The following COL14A1 variants were observed in gnomAD, a reference collection of about 807,000 sequenced individuals.
COL14A1 encodes collagen alpha-1(XIV) chain.
Under a neutral mutation model 230.3 loss-of-function variants are expected in COL14A1, and 136 were observed. The ratio of observed to expected loss-of-function variants is 0.59; its 90% confidence interval spans 0.51 to 0.68. COL14A1 has a LOEUF of 0.68. Ranked by LOEUF, COL14A1 falls within the 30% of genes least tolerant of loss-of-function variation. The pLI is 0.00. For missense variants in COL14A1, 1,976 were observed against 2,215.8 expected, an observed-to-expected ratio of 0.89 and a Z score of 2.17; for synonymous variants, 792 against 784.1, an observed-to-expected ratio of 1.01 and a Z score of -0.17.
At chr8:120,259,571 G>T (rs767441604) in intron 23 of COL14A1, among the ~76,000 whole-genome samples, 76 of 152,272 alleles carry the variant, frequency 5.0e-4, no homozygotes, top group South Asian at 3.1e-3. Context: ...CTCTTTGTTA[G>T]TATTGGGAAC....
At chr8:120,324,301 G>T (rs116607083) in intron 40 of COL14A1, among the ~76,000 whole-genome samples, 2,361 of 152,160 alleles carry the variant, frequency 0.016, 57 homozygotes, top group African/African-American at 0.055. Flanking sequence ...AGATGTATAT[G>T]TTTATCTGTG....
intron 19 of COL14A1, among the ~76,000 whole-genome samples, chr8:120,243,380 G>A (rs766771722): frequency 8.5e-5 from 13 of 152,174 alleles, no homozygotes; most frequent in Non-Finnish European, 1.8e-4. Context: ...TGGCTTTGAT[G>A]TGTGGTTCTG....
At chr8:120,305,120 A>G (rs6469907) in intron 36 of COL14A1, among the ~76,000 whole-genome samples, 106,542 of 151,368 alleles carry the variant, frequency 0.7, 39,123 homozygotes, top group African/African-American at 0.93. Flanking sequence ...CTGGGATTAC[A>G]GGCATGTGCC....
At position 120,285,971 on chromosome 8, in the gene COL14A1, G is replaced by T. The variant is rs1487628505; in HGVS notation, c.4077+1G>T. On this transcript the variant is annotated splice_donor_variant, in intron 33 of 47. Transcript: ENST00000297848. LOFTEE classifies it high-confidence loss of function. ...AATTTTTTATGGAAGCTTTCACAAG[G>T]TTAGTAATGCTTTGTATGCATATAT... 2.7e-6 allele frequency: 4 copies of T among 1,504,146 alleles called. No homozygotes were observed. The highest frequency in any genetic ancestry group is 2.8e-6 in the Non-Finnish European group (3 of 1,081,156). 93.2% of individuals were successfully genotyped at this position (1,504,146 alleles called of 1,614,324 possible).
chr8:120,224,278 C>T lies in COL14A1; in HGVS notation c.1738-810C>T, dbSNP rs147169231. ...CCAACCTCAAGTGATCTACCTGCCTCGGCCTCCCAAAGTGCTGGGATTGCA... is the reference window on the plus strand; with the variant it reads ...CCAACCTCAAGTGATCTACCTGCCTTGGCCTCCCAAAGTGCTGGGATTGCA... On this transcript the variant is annotated intron_variant, in intron 14 of 47. Coordinates refer to ENST00000297848, the MANE Select transcript of COL14A1 (RefSeq NM_021110.4). Among the ~76,000 whole-genome samples, 587 of 152,048 alleles carry T rather than the reference C, an allele frequency of 3.9e-3. 5 individuals are homozygous for T. The highest frequency in any genetic ancestry group is 0.012 in the African/African-American group (517 of 41,484).
chr8:120,356,408 A>C (rs1033613503), intron 45 of COL14A1, among the ~76,000 whole-genome samples: 2 of 152,228 alleles, frequency 1.3e-5, no homozygotes, highest in Non-Finnish European at 2.9e-5. Context: ...TTCGCCACTT[A>C]ACTAGCTATG....
chr8:120,256,536 G>A (rs909085042), intron 23 of COL14A1, among the ~76,000 whole-genome samples: 5 of 152,166 alleles, frequency 3.3e-5, no homozygotes, highest in African/African-American at 1.2e-4. Flanking sequence ...TCTCTATGAT[G>A]TAAGGATCCT....
chr8:120,157,466 G>C (rs1815517559), intron 2 of COL14A1, among the ~76,000 whole-genome samples: 1 of 152,148 alleles, frequency 6.6e-6, no homozygotes, highest in Admixed American at 6.5e-5. Flanking sequence ...AAGCTCACAT[G>C]TTTCAAGGAG....
At chr8:120,138,129 TATATACCG>T (rs1355354216) in intron 1 of COL14A1, among the ~76,000 whole-genome samples, 2 of 152,094 alleles carry the variant, frequency 1.3e-5, no homozygotes, top group East Asian at 3.8e-4. Flanking sequence ...TCAATATATC[TATATACCG>T]ATATATATCT....
At chr8:120,229,383 T>C (rs566192966) in intron 18 of COL14A1, among the ~76,000 whole-genome samples, 31 of 151,500 alleles carry the variant, frequency 2.0e-4, no homozygotes, top group African/African-American at 7.0e-4. Flanking sequence ...GTCCTTGCGA[T>C]AGTTTACTGA....
intron 40 of COL14A1, among the ~76,000 whole-genome samples, chr8:120,317,433 T>A (rs1821273164): frequency 6.6e-6 from 1 of 152,198 alleles, no homozygotes; most frequent in South Asian, 2.1e-4. Flanking sequence ...CCGTGAAATA[T>A]GTTTAGGTGA....
intron 20 of COL14A1, among the ~76,000 whole-genome samples, 196 bp downstream of exon 20, chr8:120,244,204 T>G (rs1027304043): frequency 6.6e-6 from 1 of 152,218 alleles, no homozygotes; most frequent in African/African-American, 2.4e-5. Context: ...TGTTCTGGGC[T>G]GCAGTTTCTT....
At chr8:120,346,834 G>C (rs1822534355) in intron 45 of COL14A1, among the ~76,000 whole-genome samples, 1 of 152,192 alleles carries the variant, frequency 6.6e-6, no homozygotes, top group Admixed American at 6.5e-5. Context: ...GCAGGGATTG[G>C]TTCTGAATTG....
intron 32 of COL14A1, 138 bp downstream of exon 32, chr8:120,283,916 A>G (rs772216415): frequency 1.5e-5 from 9 of 596,930 alleles, no homozygotes; most frequent in Non-Finnish European, 2.4e-5. Context: ...AATGAATTAT[A>G]TAGCAGTTGG....
At chr8:120,264,539 C>T (rs757851527) in intron 24 of COL14A1, among the ~76,000 whole-genome samples, 1 of 152,110 alleles carries the variant, frequency 6.6e-6, no homozygotes, top group Admixed American at 6.6e-5. Flanking sequence ...TAAAAGAATA[C>T]TCATTGAAGA....
At chr8:120,207,840 CAAAA>C (rs35971998) in intron 10 of COL14A1, among the ~76,000 whole-genome samples, 4 of 116,880 alleles carry the variant, frequency 3.4e-5, no homozygotes, top group Non-Finnish European at 3.9e-5. Context: ...TCATTTGGAC[CAAAA>C]AAAAAAAAAA....
chr8:120,136,596 G>T (rs1449329514), intron 1 of COL14A1, among the ~76,000 whole-genome samples: 3 of 151,952 alleles, frequency 2.0e-5, no homozygotes, highest in Admixed American at 6.6e-5. Context: ...TTTTGTGAAA[G>T]ATTTTTATAT....
chr8:120,340,675 G>A (rs528946956), intron 42 of COL14A1, among the ~76,000 whole-genome samples: 22 of 152,152 alleles, frequency 1.4e-4, no homozygotes, highest in African/African-American at 7.2e-5. Context: ...AAGTAGATGC[G>A]CTTTAATAAC....
At chr8:120,187,528 T>C (rs2130666784) in intron 5 of COL14A1, among the ~76,000 whole-genome samples, 1 of 152,300 alleles carries the variant, frequency 6.6e-6, no homozygotes, top group Admixed American at 6.5e-5. Flanking sequence ...AAACACTAAA[T>C]AGATTTTCAA....
Sources: gnomAD v4.1 joint callset for allele counts (sites outside exome capture counted in the v4.1 genomes callset) on GRCh38, gnomAD v4.1.1 for gene constraint, MANE v1.5 for transcripts, NCBI Gene and HGNC (gene_info 2026-07-23, HGNC 2026-07-21) for gene names.